Variants in MDGA1 observed in about 807,000 individuals in gnomAD.
MDGA1 encodes the protein MAM domain-containing glycosylphosphatidylinositol anchor protein 1.
Under a neutral mutation model 101.5 loss-of-function variants are expected in MDGA1, and 54 were observed. That is an observed-to-expected ratio of 0.53 (90% confidence interval 0.43 to 0.67). The LOEUF is 0.67. Among genes scored for constraint, MDGA1 ranks in the 30% least tolerant of loss-of-function variants. MDGA1 has a pLI of 0.00. For synonymous variants in MDGA1, 533 were observed against 558.3 expected (o/e 0.95, Z 0.64); for missense variants, 1,083 against 1,323.8 (o/e 0.82, Z 2.82).
chr6:37,694,554 C>T (rs1302382965), intron 1 of MDGA1, among the ~76,000 whole-genome samples: 2 of 152,170 alleles, frequency 1.3e-5, no homozygotes, highest in South Asian at 2.1e-4. Context: ...AAGAACTAGT[C>T]CCAGATCTTC....
At chr6:37,642,201 C>T (rs1215618982) in intron 14 of MDGA1, among the ~76,000 whole-genome samples, 2 of 113,672 alleles carry the variant, frequency 1.8e-5, no homozygotes, top group South Asian at 2.8e-4. Context: ...TTTTTTGAGA[C>T]GGAGTCTTAC....
Position 37,685,300 on chromosome 6 carries a change from A to T in MDGA1, c.67+11445T>A, listed in dbSNP as rs571800534. On this transcript the variant is annotated intron_variant, in intron 1 of 16. Coordinates refer to ENST00000434837, the MANE Select transcript of MDGA1 (RefSeq NM_153487.4). The stretch of plus-strand genomic sequence containing the variant: ...GAGTGAGACATTGTCTCAAAAAATT[A>T]AAAAAAAAAAAATCACTTCAGGAGC... Among the ~76,000 whole-genome samples, 660 of 145,298 alleles carry T rather than the reference A, an allele frequency of 4.5e-3. 2 individuals carry two copies. The highest frequency in any genetic ancestry group is 0.016 in the African/African-American group (614 of 39,538).
At chr6:37,653,131 G>C (rs1761406806) in intron 6 of MDGA1, among the ~76,000 whole-genome samples, 2 of 152,180 alleles carry the variant, frequency 1.3e-5, no homozygotes, top group South Asian at 4.1e-4. Context: ...TGGCACAACA[G>C]GCACAAGTCA....
At chr6:37,681,543 T>C (rs1340200024) in intron 1 of MDGA1, among the ~76,000 whole-genome samples, 2 of 152,222 alleles carry the variant, frequency 1.3e-5, no homozygotes, top group Non-Finnish European at 2.9e-5. Context: ...CACATATACA[T>C]AGTTCCCTGC....
Position 37,638,817 on chromosome 6 carries a change from C to T in MDGA1, c.2537-150G>A. 9.8e-7 allele frequency: 1 copy of T among 1,023,858 alleles called. No homozygotes were observed. The highest frequency in any genetic ancestry group is 1.4e-6 in the Non-Finnish European group (1 of 710,924). 63.4% of individuals were successfully genotyped at this position (1,023,858 alleles called of 1,614,324 possible). On this transcript the variant is annotated intron_variant, in intron 14 of 16. Transcript: ENST00000434837. This position sits in a 1 kb window ranked among gnomAD's most constrained non-coding sequence, Gnocchi z 4.8. ...CCCATGCCCAGCTGGGTGCAATGTC[C>T]CATTCCTGCAGGGACACCCTCAGTG... is the stretch of plus-strand genomic sequence containing the variant.
chr6:37,655,096 G>A lies in MDGA1; in HGVS notation c.580-164C>T. The stretch of plus-strand genomic sequence containing the variant: ...TTTAGCCCCAGGGGTCCTGAGCCTG[G>A]GGTGGATGCTACACTCTCCATAGCC... On this transcript the variant is annotated intron_variant, in intron 4 of 16. Transcript: ENST00000434837. The surrounding 1 kb of genome is among the most constrained non-coding windows in gnomAD (Gnocchi z 5.1). 1.3e-6 allele frequency: 1 copy of A among 798,070 alleles called. No individual in the cohort carries two copies. Among genetic ancestry groups the A allele is most frequent in the Non-Finnish European group, 1.9e-6 (1 of 513,180 alleles). 49.4% of individuals were successfully genotyped at this position (798,070 alleles called of 1,614,324 possible). A position where few individuals can be genotyped will look rare whatever the true frequency, so the allele number is the denominator to read the frequency against.
chr6:37,644,410 C>CT (rs67090477), intron 13 of MDGA1, 87 bp downstream of exon 13: 52,834 of 1,332,814 alleles, frequency 0.04, 1,801 homozygotes, highest in African/African-American at 0.16. Flanking sequence ...CTGGAGCCGT[C>CT]TCCCTTCATC....
In MDGA1 at chr6:37,650,826, G is replaced by A. The variant is rs1197941545; in HGVS notation, c.1313-421C>T. On this transcript the variant is annotated intron_variant, in intron 7 of 16. Transcript: ENST00000434837. Reference sequence around the variant, plus strand: ...GTCTGTCCTACATCCTTGCCCTTTCGTCCTAAGTAATAGGATACCTAGTTT... The same window carrying A: ...GTCTGTCCTACATCCTTGCCCTTTCATCCTAAGTAATAGGATACCTAGTTT... Among the ~76,000 whole-genome samples the A allele has an allele frequency of 2.0e-5, 3 of 152,026 alleles. No individual in the cohort carries two copies. In the East Asian group the frequency reaches 5.8e-4, roughly 29 times the overall value.
At position 37,697,820 on chromosome 6, in the gene MDGA1, C is replaced by T. The variant is rs1262540880; in HGVS notation, c.-1009G>A. ...CGGGGCCGGGCCGGGCTCCGGGGCG[C>T]GGCGGCCGCTCGGCTCCGGGCCGCG... On this transcript the variant is annotated 5_prime_UTR_variant, in exon 1 of 17. Coordinates refer to ENST00000434837, the MANE Select transcript of MDGA1 (RefSeq NM_153487.4). 7.4e-6 allele frequency: 1 copy of T among 135,766 alleles called. No homozygotes were observed. Among genetic ancestry groups the T allele is most frequent in the African/African-American group, 2.8e-5 (1 of 36,058 alleles). The allele number at this position is 135,766 out of a possible 1,614,324, so 8.4% of individuals were successfully genotyped here.
chr6:37,690,739 T>C (rs963573224), intron 1 of MDGA1, among the ~76,000 whole-genome samples: 14 of 146,328 alleles, frequency 9.6e-5, no homozygotes, highest in African/African-American at 3.1e-4. Flanking sequence ...ATTGTGCCAC[T>C]GCACTCCAGC....
chr6:37,694,665 A>ATCC (rs10555837), intron 1 of MDGA1, among the ~76,000 whole-genome samples: 2 of 151,060 alleles, frequency 1.3e-5, no homozygotes, highest in Non-Finnish European at 2.9e-5. Flanking sequence ...ACCTCCTGTC[A>ATCC]TCCTCCTCCT....
At chr6:37,680,128 G>C (rs1465458053) in intron 1 of MDGA1, among the ~76,000 whole-genome samples, 1 of 152,176 alleles carries the variant, frequency 6.6e-6, no homozygotes, top group African/African-American at 2.4e-5. Flanking sequence ...CTCCCCTCCC[G>C]GGGGCGGGGG....
intron 1 of MDGA1, among the ~76,000 whole-genome samples, chr6:37,686,512 G>A (rs1156712853): frequency 1.3e-4 from 19 of 150,384 alleles, no homozygotes; most frequent in Admixed American, 6.0e-4. Context: ...CTACAACCTC[G>A]GCCTCCCTGA....
intron 1 of MDGA1, among the ~76,000 whole-genome samples, chr6:37,667,823 T>C (rs1433148511): frequency 6.6e-6 from 1 of 152,194 alleles, no homozygotes; most frequent in African/African-American, 2.4e-5. Context: ...AGCTGGACTT[T>C]CTTAGAGCAC....
chr6:37,692,264 T>A (rs538230604), intron 1 of MDGA1, among the ~76,000 whole-genome samples: 20 of 152,192 alleles, frequency 1.3e-4, no homozygotes, highest in Admixed American at 3.9e-4. Context: ...ACACACCCGA[T>A]ACCTGGGACC....
intron 1 of MDGA1, among the ~76,000 whole-genome samples, chr6:37,686,996 A>T (rs1211866704): frequency 6.6e-6 from 1 of 152,182 alleles, no homozygotes; most frequent in Non-Finnish European, 1.5e-5. Context: ...TGCCTTCAGA[A>T]ACCTCACATT....
At position 37,652,137 on chromosome 6, in the gene MDGA1, C is replaced by A; in HGVS notation, c.1186G>T (p.Val396Phe). 6.2e-7 allele frequency: 1 copy of A among 1,613,952 alleles called. No homozygotes were observed. The highest frequency in any genetic ancestry group is 8.5e-7 in the Non-Finnish European group (1 of 1,179,902). Residue 396 changes from valine to phenylalanine, a missense_variant, in exon 7 of 17, where the codon GTC (valine) becomes TTC (phenylalanine). By Grantham distance (50) the Val-to-Phe change is conservative (BLOSUM62 -1). Transcript: ENST00000434837. This position sits in a 1 kb window ranked among gnomAD's most constrained non-coding sequence, Gnocchi z 4.3. ...TCAATGAGCTCTAGGCTGCTGGTGA[C>A]TGCGGGCAGCTCAGGATCATTGCGG... ...VTRNDPELPA[V>F]TSSLELIDLH...
chr6:37,669,183 G>C (rs1344304541), intron 1 of MDGA1, among the ~76,000 whole-genome samples: 2 of 152,150 alleles, frequency 1.3e-5, no homozygotes, highest in East Asian at 3.9e-4. Flanking sequence ...GATCCCATCT[G>C]GTGAGATGGA....
Sources: allele counts gnomAD v4.1 joint callset (sites outside exome capture counted in the v4.1 genomes callset), GRCh38; gene constraint gnomAD v4.1.1; non-coding constraint Gnocchi (gnomAD v3.1); transcripts MANE v1.5; gene names NCBI Gene and HGNC (gene_info 2026-07-23, HGNC 2026-07-21).